Variants in DLGAP1 observed in about 807,000 individuals in gnomAD.
The protein encoded by DLGAP1 is DLG associated protein 1.
Under a neutral mutation model 90.8 loss-of-function variants are expected in DLGAP1, and 11 were observed. The ratio of observed to expected loss-of-function variants is 0.12; its 90% CI spans 0.08 to 0.20. The LOEUF is 0.20. DLGAP1 is among the 10% of genes least tolerant of loss of function. The pLI, the probability that DLGAP1 is intolerant of heterozygous loss-of-function variation, is 1.00. For synonymous variants in DLGAP1, 558 were observed against 540.7 expected (o/e 1.03, Z -0.44); for missense variants, 1,050 against 1,333.8 (o/e 0.79, Z 3.31).
intron 1 of DLGAP1, among the ~76,000 whole-genome samples, chr18:4,216,296 C>A (rs977542916): frequency 5.3e-5 from 8 of 151,840 alleles, no homozygotes; most frequent in Non-Finnish European, 1.0e-4. Context: ...AAATTACCCC[C>A]CCCCCACCAG....
chr18:3,938,480 C>T (rs556679181), intron 3 of DLGAP1, among the ~76,000 whole-genome samples: 5 of 151,964 alleles, frequency 3.3e-5, no homozygotes, highest in Non-Finnish European at 7.4e-5. Context: ...CATTCTTGGC[C>T]GAGGGAAGTG....
intron 7 of DLGAP1, among the ~76,000 whole-genome samples, chr18:3,684,179 T>A (rs372500506): frequency 6.9e-6 from 1 of 145,828 alleles, no homozygotes; most frequent in Non-Finnish European, 1.5e-5. Context: ...TTTTTTTTTT[T>A]AATTAAAATT....
At chr18:3,809,009 T>A (rs938011510) in intron 5 of DLGAP1, among the ~76,000 whole-genome samples, 8 of 152,258 alleles carry the variant, frequency 5.3e-5, no homozygotes, top group African/African-American at 1.9e-4. Flanking sequence ...ACTACTCTAC[T>A]GTGCCTTGTT....
intron 7 of DLGAP1, among the ~76,000 whole-genome samples, chr18:3,673,044 A>G (rs540248033): frequency 2.2e-4 from 34 of 152,352 alleles, no homozygotes; most frequent in Admixed American, 1.2e-3. Context: ...TCCTACTGGC[A>G]AAAGGATAAA....
At chr18:3,541,441 T>C (rs2052687199) in intron 9 of DLGAP1, among the ~76,000 whole-genome samples, 1 of 152,188 alleles carries the variant, frequency 6.6e-6, no homozygotes, top group African/African-American at 2.4e-5. Flanking sequence ...TATTGTTAAC[T>C]TGGCAAAGAA....
chr18:3,779,383 C>A (rs2065084419), intron 5 of DLGAP1, among the ~76,000 whole-genome samples: 1 of 152,118 alleles, frequency 6.6e-6, no homozygotes, highest in Admixed American at 6.5e-5. Flanking sequence ...GCCCAGCAAT[C>A]AGTTTTTTCC....
chr18:3,499,142 G>A lies in DLGAP1; in HGVS notation c.*43C>T. On this transcript the variant is annotated 3_prime_UTR_variant, in exon 13 of 13. Transcript: ENST00000315677. The surrounding 1 kb of genome is among the most constrained non-coding windows in gnomAD (Gnocchi z 6.4). ...GCCGGCAGAGGAGCGGCCGGGGGAGGAGGGGACAGATGCTTGGCGGCGGCG... is the reference window on the plus strand; with the variant it reads ...GCCGGCAGAGGAGCGGCCGGGGGAGAAGGGGACAGATGCTTGGCGGCGGCG... 6.7e-7 allele frequency: 1 copy of A among 1,489,178 alleles called. No individual in the cohort carries two copies. The allele number at this position is 1,489,178 out of a possible 1,614,324, so 92.2% of individuals were successfully genotyped here.
At chr18:3,831,853 A>G (rs1282498495) in intron 4 of DLGAP1, among the ~76,000 whole-genome samples, 1 of 152,218 alleles carries the variant, frequency 6.6e-6, no homozygotes, top group Non-Finnish European at 1.5e-5. Context: ...ACATGAAGGA[A>G]TGGCTACTGT....
chr18:3,942,126 C>T (rs2072782046), intron 3 of DLGAP1, among the ~76,000 whole-genome samples: 1 of 152,148 alleles, frequency 6.6e-6, no homozygotes, highest in Non-Finnish European at 1.5e-5. Flanking sequence ...TGTTTCATCC[C>T]AACTTTGTGA....
intron 3 of DLGAP1, among the ~76,000 whole-genome samples, chr18:3,918,979 T>A (rs9958991): frequency 0.13 from 19,036 of 152,092 alleles, 2,283 homozygotes; most frequent in African/African-American, 0.32. Context: ...ATACACACAG[T>A]CTATCGGAAA....
At chr18:3,952,336 A>G (rs1041400704) in intron 3 of DLGAP1, among the ~76,000 whole-genome samples, 1 of 152,100 alleles carries the variant, frequency 6.6e-6, no homozygotes, top group African/African-American at 2.4e-5. Context: ...ATATAATGGT[A>G]CTCTGGCTCA....
chr18:4,350,081 C>A (rs554356146), intron 1 of DLGAP1, among the ~76,000 whole-genome samples: 1 of 152,254 alleles, frequency 6.6e-6, no homozygotes, highest in African/African-American at 2.4e-5. Flanking sequence ...CATAAAACAA[C>A]AGAAGAGAAG....
intron 1 of DLGAP1, among the ~76,000 whole-genome samples, chr18:4,397,789 G>C (rs995162467): frequency 3.9e-5 from 6 of 152,130 alleles, no homozygotes; most frequent in African/African-American, 2.4e-5. Context: ...CATATGTTAG[G>C]AACCAGTGGT....
chr18:4,351,608 C>A (rs1226001232), intron 1 of DLGAP1, among the ~76,000 whole-genome samples: 1 of 152,058 alleles, frequency 6.6e-6, no homozygotes, highest in African/African-American at 2.4e-5. Flanking sequence ...TGCAAAAAAT[C>A]AGTATCTAAA....
intron 1 of DLGAP1, among the ~76,000 whole-genome samples, chr18:4,162,150 T>C (rs1424601667): frequency 6.6e-6 from 1 of 152,188 alleles, no homozygotes; most frequent in Admixed American, 6.5e-5. Flanking sequence ...CATCCTGGCA[T>C]TGTAATGGCA....
chr18:4,219,368 T>G (rs2078029801), intron 1 of DLGAP1, among the ~76,000 whole-genome samples: 1 of 152,206 alleles, frequency 6.6e-6, no homozygotes, highest in Middle Eastern at 3.4e-3. Flanking sequence ...TCCTTAAATA[T>G]TTTGAATATT....
At chr18:3,606,998 T>C (rs979081438) in intron 7 of DLGAP1, 1 of 151,454 alleles carries the variant, frequency 6.6e-6, no homozygotes, top group Non-Finnish European at 1.5e-5. Flanking sequence ...CCACCACACC[T>C]GGCTAATTTT....
chr18:3,946,476 T>C (rs1213320021), intron 3 of DLGAP1, among the ~76,000 whole-genome samples: 1 of 152,238 alleles, frequency 6.6e-6, no homozygotes, highest in South Asian at 2.1e-4. Flanking sequence ...ATTAAGAAGT[T>C]AAGTCATTTT....
At chr18:3,661,323 C>A (rs138829016) in intron 7 of DLGAP1, among the ~76,000 whole-genome samples, 1 of 152,350 alleles carries the variant, frequency 6.6e-6, no homozygotes, top group Admixed American at 6.5e-5. Context: ...TATGTCTCCT[C>A]TCCTTGAATC....
Sources: allele counts gnomAD v4.1 joint callset (sites outside exome capture counted in the v4.1 genomes callset), GRCh38; gene constraint gnomAD v4.1.1; non-coding constraint Gnocchi (gnomAD v3.1); transcripts MANE v1.5; gene names NCBI Gene and HGNC (gene_info 2026-07-23, HGNC 2026-07-21).